The following TBCD variants were observed in gnomAD, a reference collection of about 807,000 sequenced individuals.
The protein encoded by TBCD is tubulin folding cofactor D, also known as tubulin-specific chaperone D.
A neutral mutation model predicts 169.3 loss-of-function variants in TBCD; 105 were observed. The ratio of observed to expected loss-of-function variants is 0.62; its 90% CI spans 0.53 to 0.73. The LOEUF (loss-of-function observed/expected upper bound fraction) is 0.73, where lower values mean the gene tolerates loss of function less well. TBCD is among the 30% of genes least tolerant of loss of function. TBCD has a pLI of 0.00. For missense variants in TBCD, 1,444 were observed against 1,600.1 expected, an observed-to-expected ratio of 0.90 and a Z score of 1.66; for synonymous variants, 700 against 643.9, an observed-to-expected ratio of 1.09 and a Z score of -1.32.
At chr17:82,822,189 C>T (rs1480259477) in intron 13 of TBCD, among the ~76,000 whole-genome samples, 1 of 152,200 alleles carries the variant, frequency 6.6e-6, no homozygotes, top group Non-Finnish European at 1.5e-5. Context: ...GTGCGATTGG[C>T]GCCCACTGCT....
At chr17:82,797,921 C>A in intron 8 of TBCD, 119 bp downstream of exon 8, 5 of 408,140 alleles carry the variant, frequency 1.2e-5, no homozygotes, top group East Asian at 6.3e-5. Context: ...TATGTTTGGA[C>A]ACTATCGTTC....
chr17:82,758,419 A>ATAAT lies in TBCD; in HGVS notation c.235+2205_235+2206insAATT, dbSNP rs1467354633. Among the ~76,000 whole-genome samples, 172 of 135,578 alleles carry ATAAT rather than the reference A, an allele frequency of 1.3e-3. 2 individuals are homozygous for ATAAT. Among genetic ancestry groups the ATAAT allele is most frequent in the African/African-American group, 3.8e-3 (144 of 37,546 alleles). The allele number at this position is 135,578 out of a possible 152,430, so 88.9% of individuals were successfully genotyped here. A position where few individuals can be genotyped will look rare whatever the true frequency, so the allele number is the denominator to read the frequency against. On this transcript the variant is annotated intron_variant, in intron 2 of 38. Transcript: ENST00000355528. ...AAAAAAAAAATAAATAAATAAATAA[A>ATAAT]TTTTTTTTTTTGTAGAGAAGGGGTC...
chr17:82,856,753 G>C (rs1037545402), intron 13 of TBCD, among the ~76,000 whole-genome samples: 1 of 148,746 alleles, frequency 6.7e-6, no homozygotes, highest in African/African-American at 2.6e-5. Context: ...GACCCTCGCT[G>C]CGCATCCAGG....
At chr17:82,753,850 A>AG (rs567030437) in intron 1 of TBCD, among the ~76,000 whole-genome samples, 28 of 148,914 alleles carry the variant, frequency 1.9e-4, no homozygotes, top group Middle Eastern at 6.8e-3. Flanking sequence ...GCCGGTTGAA[A>AG]GGGAGACTAG....
At chr17:82,939,601 C>T (rs1197778106) in intron 37 of TBCD, 125 bp downstream of exon 37, 4 of 756,672 alleles carry the variant, frequency 5.3e-6, no homozygotes, top group Non-Finnish European at 8.7e-6. Flanking sequence ...TCCCAGGTCT[C>T]CACATCCTCT....
chr17:82,800,527 C>T (rs2050434628), intron 8 of TBCD, among the ~76,000 whole-genome samples: 1 of 151,466 alleles, frequency 6.6e-6, no homozygotes, highest in Non-Finnish European at 1.5e-5. Context: ...CCTGCGTGGT[C>T]TCTGTGGCCG....
At chr17:82,859,131 C>T (rs552924847) in intron 13 of TBCD, among the ~76,000 whole-genome samples, 1 of 151,420 alleles carries the variant, frequency 6.6e-6, no homozygotes, top group Non-Finnish European at 1.5e-5. Context: ...GCTCTGTGTC[C>T]TCCCTACACT....
At chr17:82,830,195 G>A (rs1297268132) in intron 13 of TBCD, 1 of 1,614,262 alleles carries the variant, frequency 6.2e-7, no homozygotes, top group Non-Finnish European at 8.5e-7. Context: ...GTGTCCTGCA[G>A]CTTCGCCTTC....
intron 38 of TBCD, 131 bp from the exon 39 acceptor site, chr17:82,942,318 A>G: frequency 1.5e-6 from 2 of 1,357,380 alleles, no homozygotes; most frequent in Non-Finnish European, 2.1e-6. Flanking sequence ...GGTGTGTGGG[A>G]AACGGCACAA....
chr17:82,900,025 C>T (rs577565955), intron 17 of TBCD, among the ~76,000 whole-genome samples: 3 of 152,214 alleles, frequency 2.0e-5, no homozygotes, highest in Non-Finnish European at 4.4e-5. Context: ...TTTTTAACAG[C>T]TTTGCCGAGG....
intron 19 of TBCD, among the ~76,000 whole-genome samples, chr17:82,905,524 TGC>T: frequency 3.6e-5 from 5 of 138,006 alleles, no homozygotes; most frequent in African/African-American, 8.4e-5. Flanking sequence ...CCTGTGTGGG[TGC>T]GTGTGGGCTT....
rs536333367 is a variant in TBCD at position 82,943,948 on chromosome 17, G to T, written c.*1485G>T. ...ACACAGTGGAAAAGGCTTGGCTCCT[G>T]TGGTCGGCACACACGAGACTCTGGT... On this transcript the variant is annotated 3_prime_UTR_variant, in exon 39 of 39. Coordinates refer to ENST00000355528, the MANE Select transcript of TBCD (RefSeq NM_005993.5). 6.6e-6 allele frequency: 1 copy of T among 152,244 alleles called. No individual in the cohort carries two copies. The highest frequency in any genetic ancestry group is 1.5e-5 in the Non-Finnish European group (1 of 68,058). 9.4% of individuals were successfully genotyped at this position (152,244 alleles called of 1,614,324 possible).
chr17:82,858,636 A>T, intron 13 of TBCD: 1 of 985,350 alleles, frequency 1.0e-6, no homozygotes, highest in Non-Finnish European at 1.2e-6. Flanking sequence ...GACACAGGAC[A>T]CTTTTTAGGG....
chr17:82,832,647 G>C lies in TBCD; in HGVS notation c.1318+17713G>C, dbSNP rs2053619287. The C allele has an allele frequency of 3.2e-6, 2 of 632,788 alleles. No homozygotes were observed. The highest frequency in any genetic ancestry group is 5.6e-6 in the Non-Finnish European group (2 of 358,986). The allele number at this position is 632,788 out of a possible 1,614,324, so 39.2% of individuals were successfully genotyped here. On this transcript the variant is annotated intron_variant, in intron 13 of 38. Transcript: ENST00000355528. This position sits in a 1 kb window ranked among gnomAD's most constrained non-coding sequence, Gnocchi z 4.9. ...TCTGGCGGCTGGGAGCTGTAATAAAGAGCAGTCTTGGTGTCAGGACAGCGA... is the reference window on the plus strand; with the variant it reads ...TCTGGCGGCTGGGAGCTGTAATAAACAGCAGTCTTGGTGTCAGGACAGCGA...
At position 82,828,406 on chromosome 17, in the gene TBCD, GCA is replaced by G. The variant is rs1223008663; in HGVS notation, c.1318+13480_1318+13481del. Among the ~76,000 whole-genome samples, 5 of 139,410 alleles carry G rather than the reference GCA, an allele frequency of 3.6e-5. No homozygotes were observed. The South Asian group carries it at 7.1e-4, about 20-fold the overall frequency. 91.5% of individuals were successfully genotyped at this position (139,410 alleles called of 152,430 possible). Reference sequence around the variant, plus strand: ...CAGATACATGCACACCCAATCGAATGCACACACACCCGCAGATATGTACACGT... The same window carrying G: ...CAGATACATGCACACCCAATCGAATGCACACACCCGCAGATATGTACACGT... On this transcript the variant is annotated intron_variant, in intron 13 of 38. Transcript: ENST00000355528.
rs1191459927 is a variant in TBCD, at chr17:82,887,179, GCACGTGCGCTCA to G, written c.1534-2487_1534-2476del. Reference sequence around the variant, plus strand: ...TGTGTGTGTGTGTGTGCGCGCGCGCGCACGTGCGCTCACGCGTTTACTTCTGTGTGATTGTAT... The same window carrying G: ...TGTGTGTGTGTGTGTGCGCGCGCGCGCGCGTTTACTTCTGTGTGATTGTAT... On this transcript the variant is annotated intron_variant, in intron 15 of 38. Transcript: ENST00000355528. Among the ~76,000 whole-genome samples, 44 of 76,972 alleles carry G rather than the reference GCACGTGCGCTCA, an allele frequency of 5.7e-4. No individual in the cohort carries two copies. The East Asian group carries it at 8.9e-3, about 16-fold the overall frequency. 50.5% of individuals were successfully genotyped at this position (76,972 alleles called of 152,430 possible).
intron 13 of TBCD, among the ~76,000 whole-genome samples, chr17:82,848,381 T>C (rs1334467085): frequency 6.6e-6 from 1 of 152,002 alleles, no homozygotes; most frequent in Non-Finnish European, 1.5e-5. Flanking sequence ...ATGGCTTGTT[T>C]TGTCTTTGAT....
rs1399083083 is a variant in TBCD at position 82,864,250 on chromosome 17, AT to A, written c.1319-5971del. The A allele has an allele frequency of 6.6e-6, 1 of 152,196 alleles. No individual in the cohort carries two copies. Among genetic ancestry groups the A allele is most frequent in the African/African-American group, 2.4e-5 (1 of 41,446 alleles). The allele number at this position is 152,196 out of a possible 1,614,324, so 9.4% of individuals were successfully genotyped here. On this transcript the variant is annotated intron_variant, in intron 13 of 38. Coordinates refer to ENST00000355528, the MANE Select transcript of TBCD (RefSeq NM_005993.5). The surrounding 1 kb of genome is among the most constrained non-coding windows in gnomAD (Gnocchi z 6.3). Reference sequence around the variant, plus strand: ...GCTCTTTGAAGCGTCTCACTTTTTAATTTCATGAAGAAACAAATGTAGTGCA... The same window carrying A: ...GCTCTTTGAAGCGTCTCACTTTTTAATTCATGAAGAAACAAATGTAGTGCA...
rs749375697 is a variant in TBCD at position 82,830,854 on chromosome 17, G to C, written c.1318+15920G>C. The C allele has an allele frequency of 1.1e-5, 18 of 1,612,862 alleles. No individual in the cohort carries two copies. The East Asian group carries it at 3.8e-4, about 34-fold the overall frequency. On this transcript the variant is annotated intron_variant, in intron 13 of 38. Coordinates refer to ENST00000355528, the MANE Select transcript of TBCD (RefSeq NM_005993.5). ...AGAGGCGCTTCCGGTCGGAGCAGGAGGGTCTCCGTTCACAACATTGAGGCT... is the reference window on the plus strand; with the variant it reads ...AGAGGCGCTTCCGGTCGGAGCAGGACGGTCTCCGTTCACAACATTGAGGCT...
Sources: gnomAD v4.1 joint callset for allele counts (sites outside exome capture counted in the v4.1 genomes callset) on GRCh38, gnomAD v4.1.1 for gene constraint, Gnocchi (gnomAD v3.1) non-coding constraint, MANE v1.5 for transcripts, NCBI Gene and HGNC (gene_info 2026-07-23, HGNC 2026-07-21) for gene names.